Variants in ARMH3 observed in about 807,000 individuals in gnomAD.
ARMH3 encodes armadillo like helical domain containing 3.
ARMH3 carries 60 observed loss-of-function variants against 99.1 expected under a neutral mutation model. That is an observed-to-expected ratio of 0.61 (90% CI 0.49 to 0.75). The LOEUF (loss-of-function observed/expected upper bound fraction) is 0.75, where lower values mean the gene tolerates loss of function less well. ARMH3 is among the 30% of genes least tolerant of loss of function. The pLI, the probability that ARMH3 is intolerant of heterozygous loss-of-function variation, is 0.00. For missense variants in ARMH3, 679 were observed against 843.1 expected (o/e 0.81, Z 2.41); for synonymous variants, 285 against 292.8 (o/e 0.97, Z 0.27).
At chr10:101,936,258 C>T (rs1043117095) in intron 23 of ARMH3, among the ~76,000 whole-genome samples, 6 of 152,020 alleles carry the variant, frequency 3.9e-5, no homozygotes, top group Admixed American at 3.9e-4. Context: ...CTTTGGGAGG[C>T]CGAGGTGGGT....
intron 2 of ARMH3, among the ~76,000 whole-genome samples, chr10:102,035,713 T>C (rs905200784): frequency 1.3e-5 from 2 of 152,358 alleles, no homozygotes; most frequent in African/African-American, 2.4e-5. Flanking sequence ...GCGCTCAATG[T>C]TGCCCAGGCT....
chr10:102,029,513 A>C, intron 5 of ARMH3, 125 bp downstream of exon 5: 2 of 1,591,162 alleles, frequency 1.3e-6, no homozygotes, highest in Non-Finnish European at 1.7e-6. Flanking sequence ...TCTAAATGCA[A>C]GGCCAAATTC....
chr10:102,020,185 T>C (rs543290925), intron 8 of ARMH3, among the ~76,000 whole-genome samples: 4 of 152,204 alleles, frequency 2.6e-5, no homozygotes, highest in South Asian at 4.1e-4. Flanking sequence ...TAATTTACTA[T>C]TGAAGAAAGA....
chr10:101,931,308 G>C (rs980562817), intron 23 of ARMH3, among the ~76,000 whole-genome samples: 2 of 152,110 alleles, frequency 1.3e-5, no homozygotes, highest in Admixed American at 6.6e-5. Flanking sequence ...TCACATCTGA[G>C]GGTCAGTAGT....
chr10:101,985,277 T>C (rs921597096), intron 19 of ARMH3, among the ~76,000 whole-genome samples: 3 of 144,772 alleles, frequency 2.1e-5, no homozygotes, highest in Admixed American at 7.1e-5. Context: ...TACGTATGTG[T>C]ATATACGTAT....
At chr10:101,953,811 C>T (rs766640122) in intron 22 of ARMH3, among the ~76,000 whole-genome samples, 3 of 152,048 alleles carry the variant, frequency 2.0e-5, no homozygotes, top group Non-Finnish European at 2.9e-5. Context: ...TTTTGGAAAA[C>T]GGTTTGGCGG....
intron 24 of ARMH3, among the ~76,000 whole-genome samples, chr10:101,855,403 C>A (rs952785054): frequency 6.7e-6 from 1 of 149,004 alleles, no homozygotes; most frequent in African/African-American, 2.5e-5. Flanking sequence ...ACTACATGGA[C>A]AAAACCACAG....
At chr10:101,865,872 T>A (rs1236810042) in intron 24 of ARMH3, among the ~76,000 whole-genome samples, 1 of 152,118 alleles carries the variant, frequency 6.6e-6, no homozygotes, top group Non-Finnish European at 1.5e-5. Context: ...CCTGTGACGC[T>A]AATCATCTCC....
chr10:101,999,665 T>C (rs1236636877), intron 15 of ARMH3, among the ~76,000 whole-genome samples: 1 of 152,226 alleles, frequency 6.6e-6, no homozygotes, highest in Non-Finnish European at 1.5e-5. Context: ...TACAGAATTA[T>C]TGTTGACTTT....
At chr10:101,892,292 T>A (rs2067712690) in intron 23 of ARMH3, among the ~76,000 whole-genome samples, 1 of 148,890 alleles carries the variant, frequency 6.7e-6, no homozygotes, top group African/African-American at 2.5e-5. Flanking sequence ...AAAATAAAAA[T>A]AATAATAATA....
At chr10:101,920,190 T>C (rs981419162) in intron 23 of ARMH3, among the ~76,000 whole-genome samples, 6 of 152,186 alleles carry the variant, frequency 3.9e-5, no homozygotes, top group Non-Finnish European at 7.3e-5. Flanking sequence ...AAGTAGACAG[T>C]TGCTGCTGTA....
intron 24 of ARMH3, among the ~76,000 whole-genome samples, chr10:101,883,280 G>C (rs888971513): frequency 1.4e-4 from 22 of 152,066 alleles, no homozygotes; most frequent in African/African-American, 5.3e-4. Flanking sequence ...AGTGGGGCAT[G>C]GTAGCATGCT....
chr10:101,946,071 CAAAAAAAAAAAAAAAAAAAAAAAAAA>C (rs569179050), intron 22 of ARMH3, among the ~76,000 whole-genome samples: 3 of 34,502 alleles, frequency 8.7e-5, no homozygotes, highest in African/African-American at 7.2e-4. Flanking sequence ...GACTCTGCCT[CAAAAAAAAAAAAAAAAAAAAAAAAAA>C]AAAAAAGTCC....
At chr10:101,968,978 A>C (rs1249590172) in intron 20 of ARMH3, among the ~76,000 whole-genome samples, 1 of 152,222 alleles carries the variant, frequency 6.6e-6, no homozygotes, top group African/African-American at 2.4e-5. Flanking sequence ...TGCATATGGA[A>C]GCTAAAGCAG....
chr10:101,859,131 T>C (rs2066802199), intron 24 of ARMH3, among the ~76,000 whole-genome samples: 1 of 152,160 alleles, frequency 6.6e-6, no homozygotes, highest in South Asian at 2.1e-4. Flanking sequence ...ACATAGAAGG[T>C]TGAGCCAGTA....
intron 1 of ARMH3, among the ~76,000 whole-genome samples, chr10:102,055,820 G>A (rs913701099): frequency 8.5e-5 from 13 of 152,204 alleles, no homozygotes; most frequent in Non-Finnish European, 1.5e-5. Context: ...AGAGGGACGT[G>A]ACCGGGACCG....
chr10:101,967,012 G>T (rs995078251), intron 20 of ARMH3, among the ~76,000 whole-genome samples: 1 of 152,186 alleles, frequency 6.6e-6, no homozygotes, highest in Non-Finnish European at 1.5e-5. Context: ...TATCTCCAAA[G>T]AATCAGGTCA....
At chr10:101,909,905 A>G (rs1209830066) in intron 23 of ARMH3, among the ~76,000 whole-genome samples, 1 of 152,214 alleles carries the variant, frequency 6.6e-6, no homozygotes, top group African/African-American at 2.4e-5. Context: ...TATATGTTAG[A>G]AGAATAATAT....
At chr10:101,941,990 G>A (rs1844262362) in intron 22 of ARMH3, among the ~76,000 whole-genome samples, 1 of 152,084 alleles carries the variant, frequency 6.6e-6, no homozygotes, top group African/African-American at 2.4e-5. Context: ...TTTCACAGAG[G>A]TATTGAACTC....
Sources: allele counts gnomAD v4.1 joint callset (sites outside exome capture counted in the v4.1 genomes callset), GRCh38; gene constraint gnomAD v4.1.1; transcripts MANE v1.5; gene names NCBI Gene and HGNC (gene_info 2026-07-23, HGNC 2026-07-21).